The following TMTC2 variants were observed in gnomAD, a reference collection of about 807,000 sequenced individuals.
TMTC2 encodes the protein transmembrane O-mannosyltransferase targeting cadherins 2, also known as protein O-mannosyl-transferase TMTC2.
Under a neutral mutation model 82.4 loss-of-function variants are expected in TMTC2, and 43 were observed. The ratio of observed to expected loss-of-function variants is 0.52; its 90% CI spans 0.41 to 0.67. The LOEUF (loss-of-function observed/expected upper bound fraction) is 0.67. Among genes scored for constraint, TMTC2 ranks in the 30% least tolerant of loss-of-function variants. The pLI is 0.00. For synonymous variants in TMTC2, 408 were observed against 381.9 expected (o/e 1.07, Z -0.80); for missense variants, 919 against 1,012.4 (o/e 0.91, Z 1.25).
chr12:82,741,388 G>C (rs1875398392), intron 1 of TMTC2, among the ~76,000 whole-genome samples: 1 of 152,140 alleles, frequency 6.6e-6, no homozygotes, highest in South Asian at 2.1e-4. Context: ...TTGACTCAGT[G>C]CAACCTCCAC....
chr12:82,730,098 G>A (rs914581083), intron 1 of TMTC2, among the ~76,000 whole-genome samples: 1 of 151,942 alleles, frequency 6.6e-6, no homozygotes, highest in Non-Finnish European at 1.5e-5. Context: ...CACTCACTGC[G>A]AGGGTCTGTG....
intron 3 of TMTC2, among the ~76,000 whole-genome samples, chr12:82,916,657 C>T (rs770146905): frequency 1.7e-4 from 26 of 152,246 alleles, no homozygotes; most frequent in Admixed American, 8.5e-4. Flanking sequence ...CTGGATTATA[C>T]ATGTGGATAT....
intron 3 of TMTC2, among the ~76,000 whole-genome samples, chr12:82,913,081 C>A (rs919618408): frequency 6.6e-6 from 1 of 152,052 alleles, no homozygotes; most frequent in African/African-American, 2.4e-5. Flanking sequence ...ATGTATTCTG[C>A]ATTTTTCTTA....
At chr12:82,727,747 A>G (rs528344836) in intron 1 of TMTC2, among the ~76,000 whole-genome samples, 1 of 151,928 alleles carries the variant, frequency 6.6e-6, no homozygotes, top group Admixed American at 6.6e-5. Context: ...TTTGAAATCC[A>G]ACTTTCACCT....
chr12:83,121,791 G>A lies in TMTC2; in HGVS notation c.2332-10419G>A, dbSNP rs150337571. 5.8e-3 allele frequency among the ~76,000 whole-genome samples: 880 copies of A among 152,188 alleles called. 7 individuals are homozygous for A. The highest frequency in any genetic ancestry group is 0.02 in the African/African-American group (845 of 41,518). On this transcript the variant is annotated intron_variant, in intron 11 of 11. Coordinates refer to ENST00000321196, the MANE Select transcript of TMTC2 (RefSeq NM_152588.3). ...CCATTGGTTGGGGGCAGGGCTAGGC[G>A]TGTCTGAGCTCACTCTCCTTGGGCA...
In TMTC2 at chr12:82,965,126, T is replaced by C. The variant is rs1211663321; in HGVS notation, c.1684+17T>C. The C allele has an allele frequency of 1.3e-6, 2 of 1,569,628 alleles. No individual in the cohort carries two copies. Among genetic ancestry groups the C allele is most frequent in the Non-Finnish European group, 1.7e-6 (2 of 1,148,636 alleles). ...CCCTGGCTTGTAAGTAATACTCAAG[T>C]GTTTATTTTTTTATACCTCTTTCCA... On this transcript the variant is annotated intron_variant, in intron 5 of 11. Coordinates refer to ENST00000321196, the MANE Select transcript of TMTC2 (RefSeq NM_152588.3).
intron 1 of TMTC2, among the ~76,000 whole-genome samples, chr12:82,738,411 T>C (rs180780383): frequency 6.6e-6 from 1 of 152,324 alleles, no homozygotes; most frequent in East Asian, 1.9e-4. Context: ...AAGAGTGATC[T>C]AGTGCCTTTT....
intron 1 of TMTC2, among the ~76,000 whole-genome samples, chr12:82,743,505 C>G (rs1875526203): frequency 6.6e-6 from 1 of 151,330 alleles, no homozygotes; most frequent in Admixed American, 6.6e-5. Flanking sequence ...TAGACAAGAA[C>G]TGCCAAGTAC....
At chr12:82,942,685 G>T (rs1876785933) in intron 4 of TMTC2, among the ~76,000 whole-genome samples, 1 of 152,064 alleles carries the variant, frequency 6.6e-6, no homozygotes, top group African/African-American at 2.4e-5. Context: ...CTATATTCAA[G>T]ATATTTAGCT....
chr12:83,125,471 A>G (rs561599861), intron 11 of TMTC2, among the ~76,000 whole-genome samples: 4 of 152,326 alleles, frequency 2.6e-5, no homozygotes, highest in African/African-American at 9.6e-5. Flanking sequence ...GGAAATATAA[A>G]GAGCTTATAA....
intron 2 of TMTC2, among the ~76,000 whole-genome samples, chr12:82,882,235 G>A (rs1441816823): frequency 2.0e-5 from 3 of 151,682 alleles, no homozygotes; most frequent in Non-Finnish European, 4.4e-5. Context: ...TCCTGACCTC[G>A]TGATCCGCCC....
intron 9 of TMTC2, among the ~76,000 whole-genome samples, chr12:83,050,010 C>T (rs1882287611): frequency 6.6e-6 from 1 of 152,110 alleles, no homozygotes; most frequent in Non-Finnish European, 1.5e-5. Context: ...AGAACTTAAT[C>T]ATTTTTATAA....
chr12:83,003,602 T>C (rs1394641552), intron 8 of TMTC2, among the ~76,000 whole-genome samples: 1 of 152,178 alleles, frequency 6.6e-6, no homozygotes, highest in Non-Finnish European at 1.5e-5. Flanking sequence ...CTTTTAATGC[T>C]GGTCTAGTGG....
intron 1 of TMTC2, among the ~76,000 whole-genome samples, chr12:82,811,215 G>T (rs1385563418): frequency 6.6e-6 from 1 of 152,042 alleles, no homozygotes; most frequent in Admixed American, 6.6e-5. Flanking sequence ...AACAGAGTGA[G>T]ACTGTCTCAA....
chr12:83,018,790 G>A (rs900272857), intron 8 of TMTC2, among the ~76,000 whole-genome samples: 2 of 151,968 alleles, frequency 1.3e-5, no homozygotes, highest in African/African-American at 4.8e-5. Context: ...CATCATTTAG[G>A]CAACAACACT....
At chr12:82,728,969 C>G (rs1874610102) in intron 1 of TMTC2, among the ~76,000 whole-genome samples, 1 of 152,262 alleles carries the variant, frequency 6.6e-6, no homozygotes, top group Non-Finnish European at 1.5e-5. Context: ...CCAGGCAGGG[C>G]TCGGGACCTG....
chr12:83,055,029 C>A (rs1882488694), intron 10 of TMTC2, among the ~76,000 whole-genome samples: 1 of 151,976 alleles, frequency 6.6e-6, no homozygotes, highest in East Asian at 1.9e-4. Context: ...GGAATAATTC[C>A]CAACCACCCA....
intron 8 of TMTC2, among the ~76,000 whole-genome samples, chr12:83,027,790 T>C (rs2137417185): frequency 6.6e-6 from 1 of 152,276 alleles, no homozygotes; most frequent in African/African-American, 2.4e-5. Flanking sequence ...AAAAATTTGG[T>C]CCACTGAGCA....
chr12:82,941,057 G>A (rs893257804), intron 4 of TMTC2, among the ~76,000 whole-genome samples: 9 of 151,996 alleles, frequency 5.9e-5, no homozygotes, highest in South Asian at 4.2e-4. Context: ...ACATAAATAC[G>A]ATATAAAGGG....
Sources: gnomAD v4.1 joint callset for allele counts (sites outside exome capture counted in the v4.1 genomes callset) on GRCh38, gnomAD v4.1.1 for gene constraint, MANE v1.5 for transcripts, NCBI Gene and HGNC (gene_info 2026-07-23, HGNC 2026-07-21) for gene names.